GCNT2: variants seen among roughly 807,000 people sequenced by gnomAD.
GCNT2 encodes the protein N-acetyllactosaminide beta-1,6-N-acetylglucosaminyl-transferase.
Under a neutral mutation model 34.2 loss-of-function variants are expected in GCNT2, and 34 were observed. That is an observed-to-expected ratio of 1.00 (90% CI 0.76 to 1.32). The LOEUF is 1.32. Among genes scored for constraint, GCNT2 ranks in the 40% most tolerant of loss-of-function variants. GCNT2 has a pLI of 0.00. For missense variants in GCNT2, 584 were observed against 489.4 expected, an observed-to-expected ratio of 1.19 and a Z score of -1.82; for synonymous variants, 212 against 188.0, an observed-to-expected ratio of 1.13 and a Z score of -1.04.
intron 3 of GCNT2, among the ~76,000 whole-genome samples, chr6:10,562,658 A>G (rs1278069917): frequency 1.2e-5 from 1 of 80,746 alleles, no homozygotes; most frequent in Non-Finnish European, 2.4e-5. Flanking sequence ...ACTTCTCTGA[A>G]AAAAAAAAAA....
chr6:10,603,193 C>T (rs925024426), intron 3 of GCNT2, among the ~76,000 whole-genome samples: 6 of 152,174 alleles, frequency 3.9e-5, no homozygotes, highest in Non-Finnish European at 7.4e-5. Flanking sequence ...TGACGCCTCA[C>T]CTCATTTAAT....
At chr6:10,613,556 T>A (rs750987284) in intron 3 of GCNT2, among the ~76,000 whole-genome samples, 6 of 152,334 alleles carry the variant, frequency 3.9e-5, no homozygotes, top group Non-Finnish European at 8.8e-5. Flanking sequence ...TCCAGTATTT[T>A]TCCAATACTA....
In GCNT2 at chr6:10,529,132, G is replaced by GCTAT; in HGVS notation, c.222_225dup (p.Glu76LeufsTer2). ...AAAACTACCCTTGATGAAGCTACCTGCTATGAGTACATGGTTCGAAGCCAC... is the reference window on the plus strand; with the variant it reads ...AAAACTACCCTTGATGAAGCTACCTGCTATCTATGAGTACATGGTTCGAAGCCAC... On this transcript the variant is annotated frameshift_variant, in exon 3 of 5. Transcript: ENST00000495262. LOFTEE classifies it high-confidence loss of function. 6.2e-7 allele frequency: 1 copy of GCTAT among 1,614,074 alleles called. No homozygotes were observed. Among genetic ancestry groups the GCTAT allele is most frequent in the African/African-American group, 1.3e-5 (1 of 75,024 alleles).
chr6:10,592,354 G>A (rs558663805), intron 3 of GCNT2, among the ~76,000 whole-genome samples: 1 of 152,144 alleles, frequency 6.6e-6, no homozygotes, highest in Admixed American at 6.5e-5. Context: ...GACCAGTCTG[G>A]CTTATTTAAC....
At chr6:10,528,449 G>A (rs1455565153) in intron 2 of GCNT2, 182 bp from the exon 3 acceptor site, 1 of 211,050 alleles carries the variant, frequency 4.7e-6, no homozygotes. Flanking sequence ...TGAACACAAT[G>A]ATTAACAGGA....
chr6:10,526,702 C>T (rs1004179067), intron 1 of GCNT2, among the ~76,000 whole-genome samples: 3 of 152,158 alleles, frequency 2.0e-5, no homozygotes, highest in African/African-American at 7.2e-5. Flanking sequence ...TGCACCCAGC[C>T]TCCCCTGTGT....
At chr6:10,621,473 A>G in intron 4 of GCNT2, 30 bp downstream of exon 4, 1 of 1,389,668 alleles carries the variant, frequency 7.2e-7, no homozygotes, top group Non-Finnish European at 1.0e-6. Context: ...CTTCTAGGCC[A>G]CTGCCTGTTG....
chr6:10,558,228 A>T (rs978254323), intron 3 of GCNT2, among the ~76,000 whole-genome samples: 3 of 152,160 alleles, frequency 2.0e-5, no homozygotes, highest in Admixed American at 6.5e-5. Flanking sequence ...TATCTCATTA[A>T]CTGCTCCTCA....
intron 3 of GCNT2, among the ~76,000 whole-genome samples, chr6:10,612,900 AG>A (rs1241546848): frequency 6.6e-6 from 1 of 152,218 alleles, no homozygotes; most frequent in Non-Finnish European, 1.5e-5. Context: ...AAAGGGTCAA[AG>A]GGAATTGGCA....
At chr6:10,587,508 A>G (rs1764409376) in intron 3 of GCNT2, among the ~76,000 whole-genome samples, 1 of 152,224 alleles carries the variant, frequency 6.6e-6, no homozygotes, top group Non-Finnish European at 1.5e-5. Context: ...AGGAGTGGGT[A>G]ACAAAGAGTT....
At chr6:10,560,245 C>A (rs577341097) in intron 3 of GCNT2, among the ~76,000 whole-genome samples, 3 of 152,036 alleles carry the variant, frequency 2.0e-5, no homozygotes, top group African/African-American at 4.8e-5. Context: ...CCCACCATCA[C>A]GCCCGGTTAA....
intron 3 of GCNT2, among the ~76,000 whole-genome samples, chr6:10,531,420 T>C (rs1761481088): frequency 6.6e-6 from 1 of 152,238 alleles, no homozygotes; most frequent in Non-Finnish European, 1.5e-5. Flanking sequence ...CAACCCTGGA[T>C]GCACATTACG....
At chr6:10,539,597 G>T (rs1761946211) in intron 3 of GCNT2, among the ~76,000 whole-genome samples, 1 of 152,012 alleles carries the variant, frequency 6.6e-6, no homozygotes, top group Non-Finnish European at 1.5e-5. Flanking sequence ...GGATTAGAGA[G>T]TACACAAACT....
chr6:10,592,729 ATT>A (rs1446712653), intron 3 of GCNT2, among the ~76,000 whole-genome samples: 1 of 151,986 alleles, frequency 6.6e-6, no homozygotes, highest in Non-Finnish European at 1.5e-5. Context: ...TTTTATTTTT[ATT>A]TGTTTGTTTG....
chr6:10,540,148 G>A (rs1761974846), intron 3 of GCNT2, among the ~76,000 whole-genome samples: 2 of 151,862 alleles, frequency 1.3e-5, no homozygotes, highest in African/African-American at 2.4e-5. Context: ...AGGAAGAGAG[G>A]GAGAGAGGAA....
At position 10,585,074 on chromosome 6, in the gene GCNT2, TGTGTGCG is replaced by T. The variant is rs1561818567; in HGVS notation, c.926-36276_926-36270del. ...GTGTGTGTGTGTGTGTGTGTGTGTG[TGTGTGCG>T]CGCTATATTCTGACACATCATTAGA... is the stretch of plus-strand genomic sequence containing the variant. On this transcript the variant is annotated intron_variant, in intron 3 of 4. Transcript: ENST00000495262. 7.9e-4 allele frequency among the ~76,000 whole-genome samples: 76 copies of T among 96,190 alleles called. 1 individual carries two copies. Among genetic ancestry groups the T allele is most frequent in the African/African-American group, 4.6e-3 (72 of 15,664 alleles). 63.1% of individuals were successfully genotyped at this position (96,190 alleles called of 152,430 possible).
chr6:10,554,768 T>G (rs1762619948), intron 3 of GCNT2, among the ~76,000 whole-genome samples: 2 of 152,214 alleles, frequency 1.3e-5, no homozygotes, highest in African/African-American at 4.8e-5. Context: ...ACTGAACTGC[T>G]TTCTCATTGT....
In GCNT2 at chr6:10,529,662, A is replaced by C; in HGVS notation, c.751A>C (p.Lys251Gln). 6.2e-7 allele frequency: 1 copy of C among 1,614,046 alleles called. No homozygotes were observed. Among genetic ancestry groups the C allele is most frequent in the Non-Finnish European group, 8.5e-7 (1 of 1,179,998 alleles). ...NSYVIKTTKL[K>Q]TPPPHDMVIY... ...CTACGTGATTAAAACAACAAAATTA[A>C]AAACTCCTCCTCCTCATGACATGGT... Residue 251 changes from lysine to glutamine, a missense_variant, in exon 3 of 5, where the codon AAA becomes CAA. Transcript: ENST00000495262.
chr6:10,580,394 A>T (rs555882220), intron 3 of GCNT2, among the ~76,000 whole-genome samples: 1 of 152,210 alleles, frequency 6.6e-6, no homozygotes, highest in Non-Finnish European at 1.5e-5. Flanking sequence ...AGCTTCCCGC[A>T]CTGTGCCTTA....
Sources: allele counts gnomAD v4.1 joint callset (sites outside exome capture counted in the v4.1 genomes callset), GRCh38; gene constraint gnomAD v4.1.1; transcripts MANE v1.5; gene names NCBI Gene and HGNC (gene_info 2026-07-23, HGNC 2026-07-21).